MYOD1: variants seen among roughly 807,000 people sequenced by gnomAD.
The protein encoded by MYOD1 is myogenic differentiation 1, also known as myoblast determination protein 1.
MYOD1 carries 15 observed loss-of-function variants against 14.9 expected under a neutral mutation model. That is an observed-to-expected ratio of 1.01 (90% CI 0.67 to 1.55). The LOEUF (loss-of-function observed/expected upper bound fraction) is 1.55, where lower values mean the gene tolerates loss of function less well. MYOD1 is among the 40% of genes most tolerant of loss of function. The pLI, the probability that MYOD1 is intolerant of heterozygous loss-of-function variation, is 0.00. For synonymous variants in MYOD1, 235 were observed against 218.6 expected, an observed-to-expected ratio of 1.07 and a Z score of -0.66; for missense variants, 529 against 482.6, an observed-to-expected ratio of 1.10 and a Z score of -0.90.
chr11:17,720,020 C>T lies in MYOD1; in HGVS notation c.238C>T (p.His80Tyr). 6.3e-7 allele frequency: 1 copy of T among 1,590,694 alleles called. No homozygotes were observed. Among genetic ancestry groups the T allele is most frequent in the Non-Finnish European group, 8.6e-7 (1 of 1,168,888 alleles). ...HPAPGAREDEHVRAPSGHHQA... is the reference protein window; with the variant it reads ...HPAPGAREDEYVRAPSGHHQA... Reference sequence around the variant, plus strand: ...GGCCCCGGGCGCACGTGAGGACGAGCATGTGCGCGCGCCCAGCGGGCACCA... The same window carrying T: ...GGCCCCGGGCGCACGTGAGGACGAGTATGTGCGCGCGCCCAGCGGGCACCA... Residue 80 changes from histidine (H) to tyrosine (Y), a missense_variant, in exon 1 of 3, where the codon CAT becomes TAT. Physicochemically the swap from His to Tyr is moderately conservative, Grantham distance 83. Transcript: ENST00000250003.
Position 17,721,431 on chromosome 11 carries a change from G to C in MYOD1, c.886G>C (p.Asp296His), listed in dbSNP as rs757453857. 7 of 1,597,894 alleles carry C rather than the reference G, an allele frequency of 4.4e-6. No individual in the cohort carries two copies. In the African/African-American group the frequency reaches 9.4e-5, roughly 21 times the overall value. The change falls in exon 3 of 3, where the codon GAC becomes CAC. Residue 296 changes from aspartate (D) to histidine (H), a missense_variant. Physicochemically the swap from Asp to His is moderately conservative, Grantham distance 81 (BLOSUM62 -1). Coordinates refer to ENST00000250003, the MANE Select transcript of MYOD1 (RefSeq NM_002478.5). The surrounding 1 kb of genome is among the most constrained non-coding windows in gnomAD (Gnocchi z 6.2). Reference sequence around the variant, plus strand: ...CCCCAGCGAGGGAGAGAGCAGCGGCGACCCCACCCAGTCACCGGACGCCGC... The same window carrying C: ...CCCCAGCGAGGGAGAGAGCAGCGGCCACCCCACCCAGTCACCGGACGCCGC... ...AAPSEGESSG[D>H]PTQSPDAAPQ...
rs1159945478 is a variant in MYOD1 at position 17,721,900 on chromosome 11, G to A, written c.*392G>A. ...TGCACTCCGGTCCCAAATGTAGCAG[G>A]TGTAACCGTAACCCACCCCCAACCC... On this transcript the variant is annotated 3_prime_UTR_variant, in exon 3 of 3. Transcript: ENST00000250003. This position sits in a 1 kb window ranked among gnomAD's most constrained non-coding sequence, Gnocchi z 6.2. The A allele has an allele frequency of 3.7e-6, 1 of 273,728 alleles. No individual in the cohort carries two copies. The highest frequency in any genetic ancestry group is 6.8e-6 in the Non-Finnish European group (1 of 146,606). The allele number at this position is 273,728 out of a possible 1,614,324, so 17.0% of individuals were successfully genotyped here.
Position 17,721,455 on chromosome 11 carries a change from G to A in MYOD1, c.910G>A (p.Ala304Thr). Residue 304 changes from alanine to threonine, a missense_variant, in exon 3 of 3, where the codon GCC becomes ACC. Physicochemically the swap from Ala to Thr is moderately conservative, Grantham distance 58. Transcript: ENST00000250003. This position sits in a 1 kb window ranked among gnomAD's most constrained non-coding sequence, Gnocchi z 6.2. Reference protein sequence around the residue: ...SGDPTQSPDAAPQCPAGANPN... With the variant: ...SGDPTQSPDATPQCPAGANPN... Reference sequence around the variant, plus strand: ...CGACCCCACCCAGTCACCGGACGCCGCCCCGCAGTGCCCTGCGGGTGCGAA... The same window carrying A: ...CGACCCCACCCAGTCACCGGACGCCACCCCGCAGTGCCCTGCGGGTGCGAA... The A allele has an allele frequency of 6.3e-7, 1 of 1,593,886 alleles. No homozygotes were observed.
In MYOD1 at chr11:17,719,957, C is replaced by G. The variant is rs751108947; in HGVS notation, c.175C>G (p.Pro59Ala). 1.2e-6 allele frequency: 2 copies of G among 1,613,470 alleles called. No individual in the cohort carries two copies. Among genetic ancestry groups the G allele is most frequent in the South Asian group, 1.1e-5 (1 of 91,072 alleles). ...GATGCACGTGGGCGCGCTCCTGAAA[C>G]CCGAAGAGCACTCGCACTTCCCCGC... ...RLMHVGALLK[P>A]EEHSHFPAAV... Residue 59 changes from proline to alanine, a missense_variant, in exon 1 of 3, where the codon CCC (proline) becomes GCC (alanine). Transcript: ENST00000250003.
rs753537132 is a variant in MYOD1, at chr11:17,720,956, G to C, written c.685G>C (p.Ala229Pro). 3.7e-6 allele frequency: 6 copies of C among 1,605,860 alleles called. No homozygotes were observed. Among genetic ancestry groups the C allele is most frequent in the African/African-American group, 1.3e-5 (1 of 74,928 alleles). The change falls in exon 2 of 3, where the codon GCC becomes CCC. Residue 229 changes from alanine to proline, a missense_variant. Transcript: ENST00000250003. ...GARRRNCYEGAYYNEAPSEPR... is the reference protein window; with the variant it reads ...GARRRNCYEGPYYNEAPSEPR... ...CCGGCGGCGGAACTGCTACGAAGGC[G>C]CCTACTACAACGAGGCGCCCAGCGG...
In MYOD1 at chr11:17,719,740, T is replaced by C. The variant is rs1565148754; in HGVS notation, c.-43T>C. 1 of 1,563,050 alleles carries C rather than the reference T, an allele frequency of 6.4e-7. No homozygotes were observed. Among genetic ancestry groups the C allele is most frequent in the East Asian group, 2.3e-5 (1 of 44,210 alleles). On this transcript the variant is annotated 5_prime_UTR_variant, in exon 1 of 3. Coordinates refer to ENST00000250003, the MANE Select transcript of MYOD1 (RefSeq NM_002478.5). ...AAAGTTCCGGCCACTCTCTGCCGCT[T>C]GGGTTGGGCGAAGCCAGGACCGTGC...
In MYOD1 at chr11:17,719,985, C is replaced by T. The variant is rs1314947133; in HGVS notation, c.203C>T (p.Ala68Val). The change falls in exon 1 of 3, where the codon GCG becomes GTG. Residue 68 changes from alanine to valine, a missense_variant. By Grantham distance (64) the Ala-to-Val change is moderately conservative. Transcript: ENST00000250003. Reference sequence around the variant, plus strand: ...GAAGAGCACTCGCACTTCCCCGCGGCGGTGCACCCGGCCCCGGGCGCACGT... The same window carrying T: ...GAAGAGCACTCGCACTTCCCCGCGGTGGTGCACCCGGCCCCGGGCGCACGT... Reference protein sequence around the residue: ...KPEEHSHFPAAVHPAPGARED... With the variant: ...KPEEHSHFPAVVHPAPGARED... 10 of 1,610,170 alleles carry T rather than the reference C, an allele frequency of 6.2e-6. No individual in the cohort carries two copies. The highest frequency in any genetic ancestry group is 2.2e-5 in the East Asian group (1 of 44,674).
At position 17,721,550 on chromosome 11, in the gene MYOD1, A is replaced by G; in HGVS notation, c.*42A>G. The G allele has an allele frequency of 6.7e-7, 1 of 1,481,838 alleles. No homozygotes were observed. The highest frequency in any genetic ancestry group is 8.9e-7 in the Non-Finnish European group (1 of 1,122,930). 91.8% of individuals were successfully genotyped at this position (1,481,838 alleles called of 1,614,324 possible). A position where few individuals can be genotyped will look rare whatever the true frequency, so the allele number is the denominator to read the frequency against. On this transcript the variant is annotated 3_prime_UTR_variant, in exon 3 of 3. Coordinates refer to ENST00000250003, the MANE Select transcript of MYOD1 (RefSeq NM_002478.5). The surrounding 1 kb of genome is among the most constrained non-coding windows in gnomAD (Gnocchi z 6.2). ...CACCCGCCCGAGGGATGGTGCCCCT[A>G]GGGTCCCTCGCGCCCAAAAGATTGA...
Position 17,721,384 on chromosome 11 carries a change from C to G in MYOD1, c.839C>G (p.Pro280Arg), listed in dbSNP as rs762488136. 7 of 1,596,434 alleles carry G rather than the reference C, an allele frequency of 4.4e-6. No homozygotes were observed. In the African/African-American group the frequency reaches 8.0e-5, roughly 18 times the overall value. The change falls in exon 3 of 3, where the codon CCG becomes CGG. Residue 280 changes from proline (P) to arginine (R), a missense_variant. By Grantham distance (103) the Pro-to-Arg change is moderately radical. Transcript: ENST00000250003. This position sits in a 1 kb window ranked among gnomAD's most constrained non-coding sequence, Gnocchi z 6.2. ...LLADVPSESP[P>R]RRQEAAAPSE... is the part of the protein sequence containing the mutation. ...GCGGACGTGCCTTCTGAGTCGCCTC[C>G]GCGCAGGCAAGAGGCTGCCGCCCCC... is the stretch of plus-strand genomic sequence containing the variant.
At position 17,720,346 on chromosome 11, in the gene MYOD1, CG is replaced by C; in HGVS notation, c.566del (p.Gly189AlafsTer22). On this transcript the variant is annotated frameshift_variant, in exon 1 of 3. Transcript: ENST00000250003. LOFTEE classifies it high-confidence loss of function. ...CGCCGGGCCCGCTGCCCCCGGGCCG[CG>C]GCGGCGAGCACTACAGCGGCGACTC... is the stretch of plus-strand genomic sequence containing the variant. The part of the protein sequence containing the change: ...YAPGPLPPGR[G>X]GEHYSGDSDA... 6.5e-7 allele frequency: 1 copy of C among 1,535,000 alleles called. No individual in the cohort carries two copies. Among genetic ancestry groups the C allele is most frequent in the Non-Finnish European group, 8.7e-7 (1 of 1,150,672 alleles).
chr11:17,719,901 T>G lies in MYOD1; in HGVS notation c.119T>G (p.Leu40Arg). The G allele has an allele frequency of 6.2e-7, 1 of 1,613,928 alleles. No homozygotes were observed. The highest frequency in any genetic ancestry group is 8.5e-7 in the Non-Finnish European group (1 of 1,179,984). ...YDDPCFDSPD[L>R]RFFEDLDPRL... ...GACCCGTGTTTCGACTCCCCGGACC[T>G]GCGCTTCTTCGAAGACCTGGACCCG... The change falls in exon 1 of 3, where the codon CTG (leucine) becomes CGG (arginine). Residue 40 changes from leucine (L) to arginine (R), a missense_variant. Physicochemically the swap from Leu to Arg is moderately radical, Grantham distance 102 (BLOSUM62 -2). Coordinates refer to ENST00000250003, the MANE Select transcript of MYOD1 (RefSeq NM_002478.5).
chr11:17,721,360 C>T lies in MYOD1; in HGVS notation c.815C>T (p.Ala272Val). 2 of 1,593,890 alleles carry T rather than the reference C, an allele frequency of 1.3e-6. No individual in the cohort carries two copies. Among genetic ancestry groups the T allele is most frequent in the Non-Finnish European group, 1.7e-6 (2 of 1,176,754 alleles). ...CCTGCGGCGCCCGCCCTCCTGCTGG[C>T]GGACGTGCCTTCTGAGTCGCCTCCG... ...ESPAAPALLL[A>V]DVPSESPPRR... The change falls in exon 3 of 3, where the codon GCG (alanine) becomes GTG (valine). Residue 272 changes from alanine (A) to valine (V), a missense_variant. Physicochemically the swap from Ala to Val is moderately conservative, Grantham distance 64. Transcript: ENST00000250003. The surrounding 1 kb of genome is among the most constrained non-coding windows in gnomAD (Gnocchi z 6.2).
Position 17,721,187 on chromosome 11 carries a change from C to T in MYOD1, c.710-68C>T. The T allele has an allele frequency of 6.9e-7, 1 of 1,452,654 alleles. No individual in the cohort carries two copies. Among genetic ancestry groups the T allele is most frequent in the Non-Finnish European group, 9.1e-7 (1 of 1,102,606 alleles). The allele number at this position is 1,452,654 out of a possible 1,614,324, so 90.0% of individuals were successfully genotyped here. A position where few individuals can be genotyped will look rare whatever the true frequency, so the allele number is the denominator to read the frequency against. On this transcript the variant is annotated intron_variant, in intron 2 of 2. Coordinates refer to ENST00000250003, the MANE Select transcript of MYOD1 (RefSeq NM_002478.5). This position sits in a 1 kb window ranked among gnomAD's most constrained non-coding sequence, Gnocchi z 6.2. ...TCAGTTTCCAATCTGTCTCAAAGTA[C>T]TGGGCCCGGGGGTGGGAGGCTTGTC...
In MYOD1 at chr11:17,720,127, C is replaced by G; in HGVS notation, c.345C>G (p.Thr115=). The change falls in exon 1 of 3, where the codon ACC becomes ACG. Residue 115 remains threonine (T), a synonymous_variant. Transcript: ENST00000250003. ...TTNADRRKAA[T]MRERRRLSKV... is the part of the protein sequence containing the mutation. ...ACGCCGACCGCCGCAAGGCCGCCAC[C>G]ATGCGCGAGCGGCGCCGCCTGAGCA... The G allele has an allele frequency of 1.9e-6, 3 of 1,592,970 alleles. No individual in the cohort carries two copies. Among genetic ancestry groups the G allele is most frequent in the Non-Finnish European group, 1.7e-6 (2 of 1,170,720 alleles).
chr11:17,720,140 C>A lies in MYOD1; in HGVS notation c.358C>A (p.Arg120Ser). ...RRKAATMRER[R>S]RLSKVNEAFE... ...CAAGGCCGCCACCATGCGCGAGCGG[C>A]GCCGCCTGAGCAAAGTAAATGAGGC... The change falls in exon 1 of 3, where the codon CGC becomes AGC. Residue 120 changes from arginine (R) to serine (S), a missense_variant. Arg to Ser is a moderately radical substitution (Grantham distance 110). Coordinates refer to ENST00000250003, the MANE Select transcript of MYOD1 (RefSeq NM_002478.5). 6.3e-7 allele frequency: 1 copy of A among 1,596,372 alleles called. No homozygotes were observed. Among genetic ancestry groups the A allele is most frequent in the African/African-American group, 1.4e-5 (1 of 74,022 alleles).
At position 17,721,233 on chromosome 11, in the gene MYOD1, T is replaced by A; in HGVS notation, c.710-22T>A. On this transcript the variant is annotated intron_variant, in intron 2 of 2. Transcript: ENST00000250003. The surrounding 1 kb of genome is among the most constrained non-coding windows in gnomAD (Gnocchi z 6.2). ...TTGTCGCGGCCCCACCCCTGCTTAC[T>A]AACCGAGCCCTCCCCGCGCAGAACC... 6.6e-7 allele frequency: 1 copy of A among 1,512,488 alleles called. No individual in the cohort carries two copies. The highest frequency in any genetic ancestry group is 8.8e-7 in the Non-Finnish European group (1 of 1,132,286). The allele number at this position is 1,512,488 out of a possible 1,614,324, so 93.7% of individuals were successfully genotyped here.
chr11:17,719,641 G>A lies in MYOD1; in HGVS notation c.-142G>A, dbSNP rs1848616111. The stretch of plus-strand genomic sequence containing the variant: ...CAAATCAGGCCGGACAGGAGAGGGA[G>A]GGGTGGGGGACAGTGGGTGGGCATT... On this transcript the variant is annotated 5_prime_UTR_variant, in exon 1 of 3. Coordinates refer to ENST00000250003, the MANE Select transcript of MYOD1 (RefSeq NM_002478.5). 1 of 1,030,442 alleles carries A rather than the reference G, an allele frequency of 9.7e-7. No homozygotes were observed. The highest frequency in any genetic ancestry group is 1.4e-6 in the Non-Finnish European group (1 of 727,120). The allele number at this position is 1,030,442 out of a possible 1,614,324, so 63.8% of individuals were successfully genotyped here.
In MYOD1 at chr11:17,719,995, G is replaced by A. The variant is rs370560475; in HGVS notation, c.213G>A (p.Pro71=). The A allele has an allele frequency of 6.2e-7, 1 of 1,606,298 alleles. No individual in the cohort carries two copies. Among genetic ancestry groups the A allele is most frequent in the Non-Finnish European group, 8.5e-7 (1 of 1,176,902 alleles). The part of the protein sequence containing the change: ...EHSHFPAAVH[P]APGAREDEHV... The stretch of plus-strand genomic sequence containing the variant: ...CGCACTTCCCCGCGGCGGTGCACCC[G>A]GCCCCGGGCGCACGTGAGGACGAGC... Residue 71 remains proline (P), a synonymous_variant, in exon 1 of 3, where the codon CCG becomes CCA. Coordinates refer to ENST00000250003, the MANE Select transcript of MYOD1 (RefSeq NM_002478.5).
intron 1 of MYOD1, 82 bp downstream of exon 1, chr11:17,720,494 G>A (rs1848627211): frequency 2.8e-6 from 4 of 1,446,472 alleles, no homozygotes; most frequent in Non-Finnish European, 3.6e-6. Flanking sequence ...CGGGGAGCTG[G>A]CCTTGCGGGA....
Sources: allele counts gnomAD v4.1 joint callset, GRCh38; gene constraint gnomAD v4.1.1; non-coding constraint Gnocchi (gnomAD v3.1); transcripts MANE v1.5; gene names NCBI Gene and HGNC (gene_info 2026-07-23, HGNC 2026-07-21).